Variants in GABRB1 observed in about 807,000 individuals in gnomAD.
The protein encoded by GABRB1 is gamma-aminobutyric acid type A receptor subunit beta1, also known as gamma-aminobutyric acid receptor subunit beta-1.
A neutral mutation model predicts 51.6 loss-of-function variants in GABRB1; 17 were observed. The observed-to-expected ratio is 0.33, with a 90% confidence interval of 0.23 to 0.49. GABRB1 has a LOEUF of 0.49. Ranked by LOEUF, GABRB1 falls within the 20% of genes least tolerant of loss-of-function variation. GABRB1 has a pLI of 0.99. For missense variants in GABRB1, 410 were observed against 600.6 expected (o/e 0.68, Z 3.32); for synonymous variants, 247 against 218.9 (o/e 1.13, Z -1.14).
intron 3 of GABRB1, among the ~76,000 whole-genome samples, chr4:47,106,246 T>A (rs1288078258): frequency 6.6e-6 from 1 of 152,096 alleles, no homozygotes; most frequent in Non-Finnish European, 1.5e-5. Context: ...AAAGAGGTAA[T>A]TAATTTCCTC....
intron 3 of GABRB1, among the ~76,000 whole-genome samples, chr4:47,120,094 A>T (rs1249425913): frequency 2.0e-5 from 3 of 152,206 alleles, no homozygotes; most frequent in Non-Finnish European, 4.4e-5. Context: ...ATAAATTTTA[A>T]GTCAAAAACT....
At position 46,997,628 on chromosome 4, in the gene GABRB1, T is replaced by C. The variant is rs186507565; in HGVS notation, c.-20+3702T>C. 7.2e-5 allele frequency among the ~76,000 whole-genome samples: 11 copies of C among 152,166 alleles called. No individual in the cohort carries two copies. In the East Asian group the frequency reaches 1.7e-3, roughly 24 times the overall value. On this transcript the variant is annotated intron_variant, in intron 1 of 3. Transcript: ENST00000513567. ...TTTTCTGTGCTATCTGTGTCTGGTC[T>C]ATTTCACTTACTATATGTCCTCCAG...
intron 4 of GABRB1, among the ~76,000 whole-genome samples, chr4:47,307,850 G>A (rs1416571990): frequency 1.3e-5 from 2 of 151,808 alleles, no homozygotes; most frequent in African/African-American, 2.4e-5. Flanking sequence ...ACTTCATTCT[G>A]TTAGTAATTA....
intron 3 of GABRB1, among the ~76,000 whole-genome samples, chr4:47,049,728 T>TCTA (rs1446614993): frequency 3.9e-5 from 6 of 152,178 alleles, no homozygotes; most frequent in African/African-American, 1.4e-4. Context: ...TTAGCTTGAT[T>TCTA]CTACAGAAAC....
At chr4:47,045,836 A>G (rs907833606) in intron 3 of GABRB1, among the ~76,000 whole-genome samples, 7 of 152,154 alleles carry the variant, frequency 4.6e-5, no homozygotes, top group African/African-American at 1.4e-4. Flanking sequence ...GTCTATAGCA[A>G]TCATTATCAT....
chr4:47,111,815 A>T (rs1253391478), intron 3 of GABRB1, among the ~76,000 whole-genome samples: 1 of 152,134 alleles, frequency 6.6e-6, no homozygotes, highest in Non-Finnish European at 1.5e-5. Context: ...AAGTGAGCTG[A>T]GATCATACCA....
In GABRB1 at chr4:47,133,117, A is replaced by G. The variant is rs1396380981; in HGVS notation, c.241-28132A>G. 2.0e-5 allele frequency among the ~76,000 whole-genome samples: 3 copies of G among 152,228 alleles called. 1 individual carries two copies. The South Asian group carries it at 6.2e-4, about 31-fold the overall frequency. ...TAATTTGTTCAATATCTCTTGCAAA[A>G]GAAAGTAACCTTTACAAAAGCATTA... On this transcript the variant is annotated intron_variant, in intron 3 of 8. Coordinates refer to ENST00000295454, the MANE Select transcript of GABRB1 (RefSeq NM_000812.4).
At chr4:47,283,221 G>A (rs559479794) in intron 4 of GABRB1, among the ~76,000 whole-genome samples, 1 of 152,008 alleles carries the variant, frequency 6.6e-6, no homozygotes. Flanking sequence ...GAGCTGGATA[G>A]GATTATTAAA....
At chr4:47,412,284 G>A (rs1486481944) in intron 8 of GABRB1, among the ~76,000 whole-genome samples, 3 of 152,036 alleles carry the variant, frequency 2.0e-5, no homozygotes, top group Non-Finnish European at 4.4e-5. Flanking sequence ...ATAAGTACTT[G>A]TTGAATGAAT....
intron 3 of GABRB1, among the ~76,000 whole-genome samples, chr4:47,143,763 G>T (rs1291401774): frequency 6.6e-6 from 1 of 151,742 alleles, no homozygotes; most frequent in East Asian, 1.9e-4. Context: ...AATAATAATA[G>T]TAGAGCAGCT....
chr4:47,224,474 T>A lies in GABRB1; in HGVS notation c.461+63005T>A, dbSNP rs528684402. Among the ~76,000 whole-genome samples the A allele has an allele frequency of 2.5e-4, 38 of 152,196 alleles. No individual in the cohort carries two copies. In the South Asian group the frequency reaches 4.8e-3, roughly 19 times the overall value. On this transcript the variant is annotated intron_variant, in intron 4 of 8. Coordinates refer to ENST00000295454, the MANE Select transcript of GABRB1 (RefSeq NM_000812.4). ...AGAGCAGAGTGAGGAGGTTAATGAA[T>A]GTAAAATATTTAAAAGGAGAAATCA...
chr4:47,033,037 T>A (rs1168548751), intron 3 of GABRB1: 1 of 278,714 alleles, frequency 3.6e-6, no homozygotes, highest in Non-Finnish European at 7.2e-6. Flanking sequence ...CAGTCCATGT[T>A]TGCTAGTAGG....
intron 1 of GABRB1, among the ~76,000 whole-genome samples, chr4:47,002,031 A>C (rs959121101): frequency 6.6e-6 from 1 of 152,232 alleles, no homozygotes; most frequent in East Asian, 1.9e-4. Flanking sequence ...TATGTGAACC[A>C]TTATAAATGT....
At chr4:47,203,655 G>A (rs1175846547) in intron 4 of GABRB1, among the ~76,000 whole-genome samples, 3 of 151,972 alleles carry the variant, frequency 2.0e-5, no homozygotes, top group Non-Finnish European at 4.4e-5. Flanking sequence ...CTTGCTGGTG[G>A]CAACCCTCAT....
intron 1 of GABRB1, among the ~76,000 whole-genome samples, chr4:47,000,626 G>T (rs1270248712): frequency 6.6e-6 from 1 of 152,164 alleles, no homozygotes; most frequent in East Asian, 1.9e-4. Flanking sequence ...ACTGAGCTGG[G>T]CATTGAAGAT....
chr4:47,272,776 T>C (rs1198567632), intron 4 of GABRB1, among the ~76,000 whole-genome samples: 1 of 152,196 alleles, frequency 6.6e-6, no homozygotes, highest in Admixed American at 6.5e-5. Context: ...TAATCTATTA[T>C]TGAACAAGTA....
At chr4:47,289,969 C>G (rs746343505) in intron 4 of GABRB1, among the ~76,000 whole-genome samples, 13 of 152,170 alleles carry the variant, frequency 8.5e-5, no homozygotes, top group Admixed American at 1.3e-4. Flanking sequence ...AAATGAGGTA[C>G]AGGATCTGCA....
intron 3 of GABRB1, among the ~76,000 whole-genome samples, chr4:47,123,941 AT>A (rs1715993486): frequency 8.7e-6 from 1 of 114,314 alleles, no homozygotes; most frequent in Non-Finnish European, 1.7e-5. Context: ...TATTATATAT[AT>A]TATATATATC....
intron 4 of GABRB1, among the ~76,000 whole-genome samples, chr4:47,245,021 AC>A (rs1217250182): frequency 6.6e-6 from 1 of 152,186 alleles, no homozygotes; most frequent in African/African-American, 2.4e-5. Flanking sequence ...AGGTAGAGAT[AC>A]AAAAAAACCA....
Sources: allele counts gnomAD v4.1 joint callset (sites outside exome capture counted in the v4.1 genomes callset), GRCh38; gene constraint gnomAD v4.1.1; transcripts MANE v1.5; gene names NCBI Gene and HGNC (gene_info 2026-07-23, HGNC 2026-07-21).